Variants in LAYN observed in about 807,000 individuals in gnomAD.
LAYN encodes layilin.
Under a neutral mutation model 43.6 loss-of-function variants are expected in LAYN, and 38 were observed. The ratio of observed to expected loss-of-function variants is 0.87; its 90% confidence interval spans 0.67 to 1.14. The LOEUF is 1.14. Ranked by LOEUF, LAYN falls within the 50% of genes most tolerant of loss-of-function variation. The pLI is 0.00. For synonymous variants in LAYN, 168 were observed against 172.9 expected (o/e 0.97, Z 0.22); for missense variants, 479 against 463.8 (o/e 1.03, Z -0.30).
At chr11:111,550,595 G>C (rs1453291512) in intron 3 of LAYN, among the ~76,000 whole-genome samples, 1 of 152,136 alleles carries the variant, frequency 6.6e-6, no homozygotes, top group Non-Finnish European at 1.5e-5. Flanking sequence ...CTGGACTATG[G>C]TTTGGTGGCA....
chr11:111,550,599 G>T (rs998164039), intron 3 of LAYN, among the ~76,000 whole-genome samples: 1 of 152,098 alleles, frequency 6.6e-6, no homozygotes, highest in African/African-American at 2.4e-5. Context: ...ACTATGGTTT[G>T]GTGGCAATTT....
chr11:111,544,344 G>T (rs146704062), intron 2 of LAYN, 124 bp downstream of exon 2: 1 of 953,228 alleles, frequency 1.0e-6, no homozygotes, highest in Non-Finnish European at 1.5e-6. Flanking sequence ...TGAAGGGAAA[G>T]TAGCACCAGA....
At chr11:111,541,624 G>A (rs1382604175) in intron 1 of LAYN, 1 of 1,523,780 alleles carries the variant, frequency 6.6e-7, no homozygotes, top group Admixed American at 2.0e-5. Context: ...CAGTTGTTCT[G>A]CATGTCGGGG....
chr11:111,548,470 G>A (rs1477478992), intron 2 of LAYN, among the ~76,000 whole-genome samples: 1 of 152,188 alleles, frequency 6.6e-6, no homozygotes, highest in African/African-American at 2.4e-5. Flanking sequence ...CAGGGTAGGA[G>A]GCCCAACAGG....
intron 4 of LAYN, among the ~76,000 whole-genome samples, 184 bp downstream of exon 4, chr11:111,554,777 T>C (rs1166072704): frequency 6.6e-6 from 1 of 152,246 alleles, no homozygotes; most frequent in Non-Finnish European, 1.5e-5. Context: ...TCTCATTTTC[T>C]AGTGTTCTCA....
chr11:111,551,834 A>C (rs978571105), intron 3 of LAYN, among the ~76,000 whole-genome samples: 1 of 152,200 alleles, frequency 6.6e-6, no homozygotes, highest in Non-Finnish European at 1.5e-5. Context: ...GAATAAGATC[A>C]GTAGATTAGA....
At chr11:111,552,042 GCA>G (rs1257091655) in intron 3 of LAYN, among the ~76,000 whole-genome samples, 9 of 151,678 alleles carry the variant, frequency 5.9e-5, no homozygotes, top group Non-Finnish European at 8.8e-5. Context: ...ATGCATGTAT[GCA>G]CACACACATA....
chr11:111,540,690 A>G, upstream of LAYN: 1 of 672,848 alleles, frequency 1.5e-6, no homozygotes, highest in Admixed American at 3.8e-5. Flanking sequence ...GGGGCGACCG[A>G]CTGACTCCGC....
intron 6 of LAYN, 133 bp downstream of exon 6, chr11:111,557,776 T>C: frequency 1.3e-6 from 1 of 764,512 alleles, no homozygotes; most frequent in Non-Finnish European, 2.3e-6. Context: ...GAGTGGGTTC[T>C]CTGACAGGTC....
At chr11:111,542,856 G>A (rs912936944) in intron 1 of LAYN, among the ~76,000 whole-genome samples, 1 of 152,242 alleles carries the variant, frequency 6.6e-6, no homozygotes, top group Non-Finnish European at 1.5e-5. Context: ...GGCACAAAGT[G>A]TACACTCAAT....
chr11:111,545,055 A>AATATATATAT (rs36063658), intron 2 of LAYN, among the ~76,000 whole-genome samples: 32 of 82,532 alleles, frequency 3.9e-4, no homozygotes, highest in African/African-American at 7.4e-4. Flanking sequence ...AAATTTAACA[A>AATATATATAT]ATATATATAT....
At chr11:111,540,491 C>T (rs981967486), upstream of LAYN, 2 of 364,064 alleles carry the variant, frequency 5.5e-6, no homozygotes, top group Non-Finnish European at 1.0e-5. Flanking sequence ...AGTATTCCTC[C>T]GCCCAGCGCC....
At chr11:111,549,553 CAA>C in intron 2 of LAYN, 63 bp from the exon 3 acceptor site, 1 of 1,350,734 alleles carries the variant, frequency 7.4e-7, no homozygotes, top group Non-Finnish European at 9.9e-7. Flanking sequence ...GACGGGAAAA[CAA>C]AGGCTTTGAA....
rs1341793029 is a variant in LAYN at position 111,555,262 on chromosome 11, T to C, written c.630T>C (p.Asp210=). The part of the protein sequence containing the change: ...PVLPEETQEE[D]AKKTFKESRE... Reference sequence around the variant, plus strand: ...TTCCAGAAGAAACACAGGAAGAAGATGCCAAAAAAACATTTAAAGAAAGTA... The same window carrying C: ...TTCCAGAAGAAACACAGGAAGAAGACGCCAAAAAAACATTTAAAGAAAGTA... Residue 210 remains aspartate, a synonymous_variant, in exon 5 of 7, where the codon GAT becomes GAC. Coordinates refer to ENST00000375614, the MANE Select transcript of LAYN (RefSeq NM_178834.5). 2 of 1,613,706 alleles carry C rather than the reference T, an allele frequency of 1.2e-6. No homozygotes were observed. Among genetic ancestry groups the C allele is most frequent in the South Asian group, 2.2e-5 (2 of 91,058 alleles).
At chr11:111,553,297 T>A (rs1237245574) in intron 3 of LAYN, among the ~76,000 whole-genome samples, 1 of 151,986 alleles carries the variant, frequency 6.6e-6, no homozygotes, top group East Asian at 1.9e-4. Context: ...GTTATCAGGA[T>A]TAATTGAGTT....
chr11:111,556,095 T>C (rs1867835351), intron 5 of LAYN, among the ~76,000 whole-genome samples: 1 of 152,010 alleles, frequency 6.6e-6, no homozygotes, highest in Admixed American at 6.6e-5. Context: ...AATCCAGGAG[T>C]GCCCATGATC....
At chr11:111,559,994 G>C (rs1024524483) in intron 6 of LAYN, 101 bp from the exon 7 acceptor site, 1 of 1,384,758 alleles carries the variant, frequency 7.2e-7, no homozygotes, top group Admixed American at 2.3e-5. Flanking sequence ...ATGCAGCTGG[G>C]TGACTGCCCA....
intron 2 of LAYN, among the ~76,000 whole-genome samples, chr11:111,547,677 C>T (rs1350889874): frequency 2.0e-5 from 3 of 152,198 alleles, no homozygotes; most frequent in Non-Finnish European, 2.9e-5. Context: ...GTTTGTGCTA[C>T]TCTATTATCA....
At chr11:111,555,965 C>T (rs1591570300) in intron 5 of LAYN, among the ~76,000 whole-genome samples, 1 of 152,166 alleles carries the variant, frequency 6.6e-6, no homozygotes, top group South Asian at 2.1e-4. Context: ...CACTAAATTC[C>T]AGAGTTGGCA....
Sources: gnomAD v4.1 joint callset for allele counts (sites outside exome capture counted in the v4.1 genomes callset) on GRCh38, gnomAD v4.1.1 for gene constraint, MANE v1.5 for transcripts, NCBI Gene and HGNC (gene_info 2026-07-23, HGNC 2026-07-21) for gene names.